Variants in CASTOR2 observed in about 807,000 individuals in gnomAD.
CASTOR2 encodes the protein GATS protein like 2.
In CASTOR2, 8 loss-of-function variants were observed where a neutral mutation model predicts 31.2. The observed-to-expected ratio is 0.26, with a 90% CI of 0.15 to 0.46. The LOEUF (loss-of-function observed/expected upper bound fraction) is 0.46, where lower values mean the gene tolerates loss of function less well. Among genes scored for constraint, CASTOR2 ranks in the 20% least tolerant of loss-of-function variants. The probability of loss-of-function intolerance (pLI) is 0.99; values close to 1 mark genes in which losing one functional copy is unlikely to be tolerated. For missense variants in CASTOR2, 216 were observed against 382.1 expected (o/e 0.57, Z 3.62); for synonymous variants, 162 against 158.7 (o/e 1.02, Z -0.16).
intron 7 of CASTOR2, 68 bp from the exon 8 acceptor site, chr7:75,024,372 G>A (rs1005277163): frequency 7.8e-5 from 116 of 1,482,404 alleles, no homozygotes; most frequent in Admixed American, 2.2e-4. Flanking sequence ...GAGGGTAGAG[G>A]CTGAAGAGCC....
In CASTOR2 at chr7:75,021,731, A is replaced by C. The variant is rs1805009737; in HGVS notation, c.747-143A>C. 5.2e-6 allele frequency: 5 copies of C among 961,102 alleles called. No individual in the cohort carries two copies. In the South Asian group the frequency reaches 7.0e-5, roughly 13 times the overall value. 59.5% of individuals were successfully genotyped at this position (961,102 alleles called of 1,614,324 possible). A position where few individuals can be genotyped will look rare whatever the true frequency, so the allele number is the denominator to read the frequency against. ...GGCGAATGGGTCCAGGGTGTCTGGA[A>C]GGGATTGTTTTTGGGGGGCCCTGAG... is the stretch of plus-strand genomic sequence containing the variant. On this transcript the variant is annotated intron_variant, in intron 6 of 8. Transcript: ENST00000616305.
At chr7:74,984,975 A>G (rs1278763461) in intron 1 of CASTOR2, among the ~76,000 whole-genome samples, 23 of 152,118 alleles carry the variant, frequency 1.5e-4, no homozygotes, top group African/African-American at 5.5e-4. Context: ...CATCTCTACT[A>G]AAAATACAAA....
chr7:75,009,618 C>G (rs587737366), intron 2 of CASTOR2, among the ~76,000 whole-genome samples: 36 of 151,990 alleles, frequency 2.4e-4, no homozygotes, highest in African/African-American at 8.2e-4. Context: ...AGTGGCCCCC[C>G]CCGCCCCCAC....
chr7:75,021,705 G>A (rs1444441895), intron 6 of CASTOR2, among the ~76,000 whole-genome samples, 169 bp from the exon 7 acceptor site: 1 of 152,104 alleles, frequency 6.6e-6, no homozygotes, highest in African/African-American at 2.4e-5. Flanking sequence ...GGAGGCCGCC[G>A]GGCGAATGGG....
intron 2 of CASTOR2, among the ~76,000 whole-genome samples, chr7:75,014,597 A>C (rs1460519442): frequency 6.6e-6 from 1 of 151,998 alleles, no homozygotes; most frequent in African/African-American, 2.4e-5. Context: ...CTCGCTCAAA[A>C]AAAAAGGAAG....
At chr7:75,004,602 A>C (rs1263889937) in intron 1 of CASTOR2, among the ~76,000 whole-genome samples, 2 of 152,074 alleles carry the variant, frequency 1.3e-5, no homozygotes, top group East Asian at 3.9e-4. Context: ...GCCCACCACC[A>C]CGCCGGGCTA....
At chr7:74,977,727 A>T (rs587770474) in intron 1 of CASTOR2, among the ~76,000 whole-genome samples, 3 of 150,658 alleles carry the variant, frequency 2.0e-5, no homozygotes, top group Admixed American at 6.7e-5. Context: ...CCCAAGCTGG[A>T]GTGCAGTGAT....
chr7:75,027,949 G>A lies in CASTOR2; in HGVS notation c.*3250G>A. The stretch of plus-strand genomic sequence containing the variant: ...CTCTCCAGGCCCCAGACCCCACTTG[G>A]AGGGGCATGTGTTTCTCAGAGGGGC... On this transcript the variant is annotated 3_prime_UTR_variant, in exon 9 of 9. Transcript: ENST00000616305. 1 of 1,423,592 alleles carries A rather than the reference G, an allele frequency of 7.0e-7. No homozygotes were observed. Among genetic ancestry groups the A allele is most frequent in the Non-Finnish European group, 9.6e-7 (1 of 1,046,340 alleles). 88.2% of individuals were successfully genotyped at this position (1,423,592 alleles called of 1,614,324 possible).
At chr7:75,020,985 T>A (rs1426596216) in intron 6 of CASTOR2, among the ~76,000 whole-genome samples, 2 of 151,732 alleles carry the variant, frequency 1.3e-5, no homozygotes, top group Admixed American at 6.6e-5. Context: ...TTATTTTATT[T>A]TTTTTTAATA....
intron 1 of CASTOR2, among the ~76,000 whole-genome samples, chr7:74,986,446 T>C (rs1454900255): frequency 3.4e-5 from 5 of 146,530 alleles, no homozygotes; most frequent in African/African-American, 1.3e-4. Context: ...GCCAAGATCG[T>C]GCCACTGCAC....
intron 2 of CASTOR2, among the ~76,000 whole-genome samples, chr7:75,008,943 A>G (rs1406270652): frequency 1.7e-4 from 26 of 152,192 alleles, no homozygotes; most frequent in Admixed American, 1.4e-3. Flanking sequence ...CCTGGGCAAC[A>G]TGATGAGAAC....
At chr7:75,002,504 C>G (rs1804519767) in intron 1 of CASTOR2, among the ~76,000 whole-genome samples, 1 of 152,038 alleles carries the variant, frequency 6.6e-6, no homozygotes, top group East Asian at 1.9e-4. Context: ...GCCTGTAATC[C>G]CAGCTACCTG....
intron 1 of CASTOR2, among the ~76,000 whole-genome samples, chr7:74,998,892 G>A (rs1211935017): frequency 1.3e-5 from 2 of 151,980 alleles, no homozygotes; most frequent in Non-Finnish European, 1.5e-5. Context: ...CTTTGGTAAC[G>A]CTGCCTCTCC....
intron 1 of CASTOR2, among the ~76,000 whole-genome samples, chr7:74,982,408 TCTGTAAGGGCAGATCTCG>T (rs1160305326): frequency 6.6e-6 from 1 of 151,790 alleles, no homozygotes; most frequent in Non-Finnish European, 1.5e-5. Context: ...GGCGAGTGCA[TCTGTAAGGGCAGATCTCG>T]CGGTGAATTT....
intron 1 of CASTOR2, among the ~76,000 whole-genome samples, chr7:74,985,830 T>C (rs1336613104): frequency 6.6e-6 from 1 of 152,086 alleles, no homozygotes. Context: ...TCCAGATGGA[T>C]ACCTGGATAG....
intron 1 of CASTOR2, among the ~76,000 whole-genome samples, chr7:74,974,999 C>T (rs1204580659): frequency 1.3e-5 from 2 of 150,562 alleles, no homozygotes; most frequent in Non-Finnish European, 3.0e-5. Context: ...GATGGAGTTA[C>T]ACTCTGTTGC....
In CASTOR2 at chr7:75,015,515, C is replaced by T. The variant is rs1378434372; in HGVS notation, c.185-2083C>T. ...CTGGTCTCAAATTCCTGGCCTCAAG[C>T]GATCCTCCTACCTTGGCCTCCCAAA... On this transcript the variant is annotated intron_variant, in intron 2 of 8. Coordinates refer to ENST00000616305, the MANE Select transcript of CASTOR2 (RefSeq NM_001145064.3). Among the ~76,000 whole-genome samples the T allele has an allele frequency of 8.3e-4, 126 of 152,070 alleles. 1 individual carries two copies. The highest frequency in any genetic ancestry group is 8.4e-4 in the Non-Finnish European group (57 of 68,006).
Position 75,017,564 on chromosome 7 carries a change from C to T in CASTOR2, c.185-34C>T, listed in dbSNP as rs1200670367. 1.6e-5 allele frequency: 25 copies of T among 1,608,342 alleles called. 1 individual carries two copies. In the South Asian group the frequency reaches 2.2e-4, roughly 14 times the overall value. ...GCCCTTGGGTCATCTGGAACCTCAG[C>T]AGTCACAGGACTGCCTTCTGTGTCT... is the stretch of plus-strand genomic sequence containing the variant. On this transcript the variant is annotated intron_variant, in intron 2 of 8. Coordinates refer to ENST00000616305, the MANE Select transcript of CASTOR2 (RefSeq NM_001145064.3).
chr7:75,020,843 C>T (rs1047538014), intron 6 of CASTOR2, among the ~76,000 whole-genome samples: 6 of 152,066 alleles, frequency 3.9e-5, no homozygotes, highest in African/African-American at 1.4e-4. Context: ...GTCACCCATG[C>T]TGGAGTGCAG....
Sources: allele counts gnomAD v4.1 joint callset (sites outside exome capture counted in the v4.1 genomes callset), GRCh38; gene constraint gnomAD v4.1.1; transcripts MANE v1.5; gene names NCBI Gene and HGNC (gene_info 2026-07-23, HGNC 2026-07-21).